The following PATL1 variants were observed in gnomAD, a reference collection of about 807,000 sequenced individuals.
PATL1 encodes the protein PAT1 homolog 1, processing body mRNA decay factor.
In PATL1, 32 loss-of-function variants were observed where a neutral mutation model predicts 100.6. The observed-to-expected ratio is 0.32, with a 90% confidence interval of 0.24 to 0.43. PATL1 has a LOEUF of 0.43. PATL1 is among the 20% of genes least tolerant of loss of function. The pLI, the probability that PATL1 is intolerant of heterozygous loss-of-function variation, is 1.00. For synonymous variants in PATL1, 332 were observed against 330.0 expected, an observed-to-expected ratio of 1.01 and a Z score of -0.07; for missense variants, 747 against 949.9, an observed-to-expected ratio of 0.79 and a Z score of 2.81.
chr11:59,640,196 C>T (rs1383467850), intron 16 of PATL1, among the ~76,000 whole-genome samples: 1 of 151,634 alleles, frequency 6.6e-6, no homozygotes, highest in Admixed American at 6.6e-5. Flanking sequence ...AGAAAATTAG[C>T]CAGGCACGGT....
intron 18 of PATL1, among the ~76,000 whole-genome samples, 192 bp downstream of exon 18, chr11:59,638,855 AT>A (rs1461051025): frequency 6.6e-6 from 1 of 151,692 alleles, no homozygotes; most frequent in African/African-American, 2.4e-5. Context: ...TAATTTTCGT[AT>A]TTTTTTAGTA....
chr11:59,655,851 G>A, intron 7 of PATL1, 105 bp downstream of exon 7: 1 of 1,383,204 alleles, frequency 7.2e-7, no homozygotes, highest in Non-Finnish European at 1.0e-6. Flanking sequence ...AAAAAGTAAA[G>A]GCAAAAATAA....
rs762402119 is a variant in PATL1, at chr11:59,655,612, G to A, written c.942C>T (p.Gly314=). The A allele has an allele frequency of 1.9e-6, 3 of 1,594,704 alleles. No homozygotes were observed. The highest frequency in any genetic ancestry group is 2.6e-6 in the Non-Finnish European group (3 of 1,170,366). The change falls in exon 8 of 19, where the codon GGC becomes GGT. Residue 314 remains glycine, a synonymous_variant. Coordinates refer to ENST00000300146, the MANE Select transcript of PATL1 (RefSeq NM_152716.3). ...RVGQMLPPAP[G]FRAFFSAPPS... is the part of the protein sequence containing the mutation. ...GTGGAGCACTAAAGAAGGCACGGAA[G>A]CCTGGTGCTGGGGGAAGCATCTGCC...
At chr11:59,648,444 C>T (rs1363630856) in intron 14 of PATL1, among the ~76,000 whole-genome samples, 2 of 150,530 alleles carry the variant, frequency 1.3e-5, no homozygotes, top group Admixed American at 1.3e-4. Flanking sequence ...CCTCAGCCTC[C>T]CAAAGTGCTT....
chr11:59,641,465 CT>C (rs1406144650), intron 16 of PATL1, among the ~76,000 whole-genome samples: 1 of 151,958 alleles, frequency 6.6e-6, no homozygotes. Flanking sequence ...CAAAATTTCC[CT>C]TCATGGCCGG....
At chr11:59,658,586 G>A (rs991273020) in intron 4 of PATL1, among the ~76,000 whole-genome samples, 2 of 152,080 alleles carry the variant, frequency 1.3e-5, no homozygotes, top group Non-Finnish European at 2.9e-5. Flanking sequence ...GCCTCTCAAA[G>A]TGCTGGGATT....
Position 59,639,390 on chromosome 11 carries a change from GAA to G in PATL1, c.2050-9_2050-8del, listed in dbSNP as rs1861242499. On this transcript the variant is annotated splice_polypyrimidine_tract_variant and splice_region_variant and intron_variant, in intron 16 of 18. Coordinates refer to ENST00000300146, the MANE Select transcript of PATL1 (RefSeq NM_152716.3). ...GGAGCAGTGACAGGCCAAACTACGA[GAA>G]AAGACAGAGGGAATCAAACTCAACA... 1 of 1,548,184 alleles carries G rather than the reference GAA, an allele frequency of 6.5e-7. No individual in the cohort carries two copies. Among genetic ancestry groups the G allele is most frequent in the African/African-American group, 1.4e-5 (1 of 72,938 alleles).
At chr11:59,641,645 T>C (rs1252367147) in intron 16 of PATL1, among the ~76,000 whole-genome samples, 1 of 150,788 alleles carries the variant, frequency 6.6e-6, no homozygotes, top group East Asian at 2.0e-4. Flanking sequence ...CCCATCTACT[T>C]GGGAGGCTGA....
chr11:59,647,885 T>G lies in PATL1; in HGVS notation c.1762A>C (p.Met588Leu), dbSNP rs201973081. ...RPSDDHFVQI[M>L]CIRKGKRMVA... ...ATTCTCTTCCCTTTTCGGATACACA[T>G]GATCTGTACAAAGTGGTCATCACTA... Residue 588 changes from methionine (M) to leucine (L), a missense_variant, in exon 15 of 19, where the codon ATG (methionine) becomes CTG (leucine). By Grantham distance (15) the Met-to-Leu change is conservative. Around this residue, in one of 4 missense-constraint regions of PATL1, gnomAD observed 434 missense variants for 596.1 expected, o/e 0.73. Coordinates refer to ENST00000300146, the MANE Select transcript of PATL1 (RefSeq NM_152716.3). 5.0e-5 allele frequency: 80 copies of G among 1,613,780 alleles called. No individual in the cohort carries two copies. Among genetic ancestry groups the G allele is most frequent in the Non-Finnish European group, 6.3e-5 (74 of 1,179,848 alleles).
chr11:59,659,255 T>A lies in PATL1; in HGVS notation c.342A>T (p.Leu114Phe), dbSNP rs1861593674. 6.4e-7 allele frequency: 1 copy of A among 1,551,360 alleles called. No individual in the cohort carries two copies. The highest frequency in any genetic ancestry group is 8.7e-7 in the Non-Finnish European group (1 of 1,146,718). ...IMRAVQTRPV[L>F]QPQPGSLNSS... is the part of the protein sequence containing the mutation. The stretch of plus-strand genomic sequence containing the variant: ...CAAATCACAGTAACTTACTTACTTG[T>A]AAAACTGGCCTGGTCTGCACTGCCC... The change falls in exon 3 of 19, where the codon TTA becomes TTT. Residue 114 changes from leucine to phenylalanine, a missense_variant. Physicochemically the swap from Leu to Phe is conservative, Grantham distance 22. This residue lies in a region of PATL1 where 183 missense variants were observed against 221.2 expected (regional missense o/e 0.83). Coordinates refer to ENST00000300146, the MANE Select transcript of PATL1 (RefSeq NM_152716.3).
chr11:59,647,624 TAATC>T, intron 15 of PATL1, 126 bp downstream of exon 15: 1 of 962,146 alleles, frequency 1.0e-6, no homozygotes, highest in East Asian at 2.6e-5. Context: ...TTGTTTTAAA[TAATC>T]AAATCACACA....
chr11:59,656,900 A>G (rs150076991), intron 5 of PATL1, among the ~76,000 whole-genome samples: 3 of 152,322 alleles, frequency 2.0e-5, no homozygotes, highest in Non-Finnish European at 4.4e-5. Context: ...CCAAGAGGAT[A>G]TATTTTGGTA....
At chr11:59,641,193 C>T (rs911860793) in intron 16 of PATL1, among the ~76,000 whole-genome samples, 13 of 151,666 alleles carry the variant, frequency 8.6e-5, no homozygotes, top group African/African-American at 2.9e-4. Flanking sequence ...GTCAATCAGG[C>T]ATGGTGGCAC....
intron 9 of PATL1, among the ~76,000 whole-genome samples, chr11:59,653,404 G>A (rs1390751581): frequency 6.6e-6 from 1 of 152,064 alleles, no homozygotes; most frequent in Non-Finnish European, 1.5e-5. Flanking sequence ...TTTTAACACA[G>A]GCGATTTAGC....
chr11:59,651,704 T>C (rs934473725), intron 11 of PATL1, 63 bp from the exon 12 acceptor site: 2 of 1,057,420 alleles, frequency 1.9e-6, no homozygotes, highest in South Asian at 1.4e-5. Flanking sequence ...AGGCAGGCAG[T>C]GTTCAAAGAA....
chr11:59,639,739 A>G (rs79121096), intron 16 of PATL1: 3,503 of 164,556 alleles, frequency 0.021, 130 homozygotes, highest in African/African-American at 0.08. Flanking sequence ...AGGCTAAAAA[A>G]GAAAGTAAAT....
At chr11:59,657,194 G>A (rs1339122262) in intron 5 of PATL1, 1 of 922,732 alleles carries the variant, frequency 1.1e-6, no homozygotes, top group African/African-American at 1.8e-5. Flanking sequence ...AAAGGGATGT[G>A]GACAATGCTG....
chr11:59,666,748 G>T, intron 2 of PATL1, 105 bp downstream of exon 2: 2 of 1,195,290 alleles, frequency 1.7e-6, no homozygotes, highest in Non-Finnish European at 2.3e-6. Flanking sequence ...ATCTTGCCAA[G>T]TTAGTGAATA....
intron 8 of PATL1, 41 bp from the exon 9 acceptor site, chr11:59,654,113 G>A: frequency 6.6e-7 from 1 of 1,516,708 alleles, no homozygotes; most frequent in Non-Finnish European, 9.2e-7. Flanking sequence ...TGGTCATCCT[G>A]ATGACTTGAA....
Sources: gnomAD v4.1 joint callset for allele counts (sites outside exome capture counted in the v4.1 genomes callset) on GRCh38, gnomAD v4.1.1 for gene constraint, gnomAD v4.1.1 regional missense constraint, MANE v1.5 for transcripts, NCBI Gene and HGNC (gene_info 2026-07-23, HGNC 2026-07-21) for gene names.